TMEM178B: variants seen among roughly 807,000 people sequenced by gnomAD.
TMEM178B encodes the protein transmembrane protein 178B.
A neutral mutation model predicts 31.0 loss-of-function variants in TMEM178B; 5 were observed. The observed-to-expected ratio is 0.16, with a 90% CI of 0.08 to 0.34. The LOEUF (loss-of-function observed/expected upper bound fraction) is 0.34, where lower values mean the gene tolerates loss of function less well. TMEM178B is among the 10% of genes least tolerant of loss of function. The pLI is 1.00. For missense variants in TMEM178B, 275 were observed against 400.3 expected, an observed-to-expected ratio of 0.69 and a Z score of 2.67; for synonymous variants, 164 against 164.0, an observed-to-expected ratio of 1.00 and a Z score of 0.00.
At chr7:141,270,171 G>A (rs1798158740) in intron 2 of TMEM178B, among the ~76,000 whole-genome samples, 1 of 152,174 alleles carries the variant, frequency 6.6e-6, no homozygotes, top group South Asian at 2.1e-4. Flanking sequence ...AAAGACCTTT[G>A]AGGGAGCACC....
chr7:141,458,078 G>A (rs534094352), intron 3 of TMEM178B, among the ~76,000 whole-genome samples: 2 of 152,268 alleles, frequency 1.3e-5, no homozygotes, highest in East Asian at 3.9e-4. Context: ...CTTTCTAGAT[G>A]GATGGTGACC....
intron 2 of TMEM178B, among the ~76,000 whole-genome samples, chr7:141,249,583 G>A (rs929205315): frequency 6.6e-6 from 1 of 152,214 alleles, no homozygotes; most frequent in African/African-American, 2.4e-5. Flanking sequence ...CCCAGTTCAG[G>A]GAGGGTGTTA....
intron 2 of TMEM178B, among the ~76,000 whole-genome samples, chr7:141,293,099 C>G (rs564874977): frequency 6.6e-6 from 1 of 152,248 alleles, no homozygotes; most frequent in South Asian, 2.1e-4. Flanking sequence ...TTTTTGGAGG[C>G]AAGACTAGGG....
intron 2 of TMEM178B, among the ~76,000 whole-genome samples, chr7:141,315,323 A>G (rs1054142640): frequency 6.6e-6 from 1 of 151,890 alleles, no homozygotes; most frequent in Non-Finnish European, 1.5e-5. Flanking sequence ...AAAGTCTACC[A>G]TTTTCGGGCC....
chr7:141,376,356 C>T (rs1382156988), intron 2 of TMEM178B, among the ~76,000 whole-genome samples: 2 of 152,118 alleles, frequency 1.3e-5, no homozygotes, highest in Non-Finnish European at 2.9e-5. Context: ...TGTTATATTA[C>T]CAAAAATTAT....
At chr7:141,413,472 A>G (rs1801032766) in intron 2 of TMEM178B, among the ~76,000 whole-genome samples, 2 of 152,330 alleles carry the variant, frequency 1.3e-5, no homozygotes, top group South Asian at 2.1e-4. Context: ...ACTTCTGCCC[A>G]TGCGTATTGT....
intron 1 of TMEM178B, among the ~76,000 whole-genome samples, chr7:141,124,728 C>T (rs903006626): frequency 2.0e-5 from 3 of 152,236 alleles, no homozygotes; most frequent in Non-Finnish European, 2.9e-5. Flanking sequence ...TCTAAGCATG[C>T]ATTGTAAATG....
At chr7:141,394,799 G>T (rs537122058) in intron 2 of TMEM178B, among the ~76,000 whole-genome samples, 1 of 152,190 alleles carries the variant, frequency 6.6e-6, no homozygotes, top group Non-Finnish European at 1.5e-5. Context: ...ATAGAGGAAT[G>T]ACATAAACAG....
chr7:141,109,744 C>T (rs1410717088), intron 1 of TMEM178B, among the ~76,000 whole-genome samples: 1 of 152,136 alleles, frequency 6.6e-6, no homozygotes, highest in African/African-American at 2.4e-5. Flanking sequence ...CAGGAGATGG[C>T]TGTTGTGGCT....
At chr7:141,186,988 C>T (rs1033025279) in intron 1 of TMEM178B, among the ~76,000 whole-genome samples, 11 of 152,012 alleles carry the variant, frequency 7.2e-5, no homozygotes, top group South Asian at 2.1e-4. Flanking sequence ...ATGTGCACAA[C>T]GTGCAGGTTT....
chr7:141,362,204 C>G (rs1412581062), intron 2 of TMEM178B, among the ~76,000 whole-genome samples: 1 of 152,218 alleles, frequency 6.6e-6, no homozygotes, highest in Non-Finnish European at 1.5e-5. Context: ...TTGCAATCTT[C>G]GTCTGGCACT....
At chr7:141,439,792 C>T (rs895749582) in intron 3 of TMEM178B, among the ~76,000 whole-genome samples, 2 of 152,210 alleles carry the variant, frequency 1.3e-5, no homozygotes, top group African/African-American at 4.8e-5. Context: ...ATCTCCACTT[C>T]TTTGATGGCA....
rs530643537 is a variant in TMEM178B, at chr7:141,304,601, C to T, written c.496+91897C>T. Among the ~76,000 whole-genome samples the T allele has an allele frequency of 2.0e-5, 3 of 152,294 alleles. No homozygotes were observed. In the South Asian group the frequency reaches 6.2e-4, roughly 32 times the overall value. ...TATGGGGTTCTCAGTTCTACATCACCAGCCCTAGCCTCTCCAGGCTTCAGG... is the reference window on the plus strand; with the variant it reads ...TATGGGGTTCTCAGTTCTACATCACTAGCCCTAGCCTCTCCAGGCTTCAGG... On this transcript the variant is annotated intron_variant, in intron 2 of 3. Transcript: ENST00000565468.
chr7:141,225,982 C>T (rs189844916), intron 2 of TMEM178B, among the ~76,000 whole-genome samples: 24 of 152,172 alleles, frequency 1.6e-4, no homozygotes, highest in African/African-American at 5.8e-4. Flanking sequence ...GCGCCTGGCA[C>T]CAAATTAGAA....
chr7:141,185,468 G>T (rs1275182155), intron 1 of TMEM178B, among the ~76,000 whole-genome samples: 11 of 152,186 alleles, frequency 7.2e-5, no homozygotes, highest in Non-Finnish European at 1.6e-4. Flanking sequence ...ACTCCATGTC[G>T]TTCAGCAGGT....
chr7:141,386,880 G>T (rs965564943), intron 2 of TMEM178B, among the ~76,000 whole-genome samples: 1 of 152,098 alleles, frequency 6.6e-6, no homozygotes, highest in African/African-American at 2.4e-5. Flanking sequence ...GGGGTTTGGG[G>T]GTTCTCTTTC....
At chr7:141,275,834 A>G (rs1350119151) in intron 2 of TMEM178B, among the ~76,000 whole-genome samples, 1 of 152,208 alleles carries the variant, frequency 6.6e-6, no homozygotes, top group East Asian at 1.9e-4. Context: ...TCTCAAGGCC[A>G]TTGGCTGGAG....
intron 2 of TMEM178B, among the ~76,000 whole-genome samples, chr7:141,400,587 T>C (rs535014882): frequency 1.6e-4 from 25 of 152,340 alleles, no homozygotes; most frequent in African/African-American, 6.0e-4. Context: ...TTAAGGCAGC[T>C]GGCAGCTTTA....
intron 1 of TMEM178B, among the ~76,000 whole-genome samples, chr7:141,144,794 A>C (rs2129179685): frequency 6.6e-6 from 1 of 152,272 alleles, no homozygotes; most frequent in African/African-American, 2.4e-5. Flanking sequence ...AGCAAGAGTG[A>C]AGGGCACAAT....
Sources: allele counts gnomAD v4.1 joint callset (sites outside exome capture counted in the v4.1 genomes callset), GRCh38; gene constraint gnomAD v4.1.1; transcripts MANE v1.5; gene names NCBI Gene and HGNC (gene_info 2026-07-23, HGNC 2026-07-21).